Variants in KIAA1614 observed in about 807,000 individuals in gnomAD.
KIAA1614 encodes the protein uncharacterized protein KIAA1614.
A neutral mutation model predicts 88.7 loss-of-function variants in KIAA1614; 76 were observed. The ratio of observed to expected loss-of-function variants is 0.86; its 90% CI spans 0.71 to 1.04. The LOEUF is 1.04. Ranked by LOEUF, KIAA1614 falls within the 50% of genes least tolerant of loss-of-function variation. The pLI, the probability that KIAA1614 is intolerant of heterozygous loss-of-function variation, is 0.00. For missense variants in KIAA1614, 1,553 were observed against 1,582.5 expected (o/e 0.98, Z 0.32); for synonymous variants, 714 against 675.5 (o/e 1.06, Z -0.88).
At position 180,936,557 on chromosome 1, in the gene KIAA1614, A is replaced by G; in HGVS notation, c.2648A>G (p.Asn883Ser). 1 of 1,613,842 alleles carries G rather than the reference A, an allele frequency of 6.2e-7. No individual in the cohort carries two copies. Among genetic ancestry groups the G allele is most frequent in the Non-Finnish European group, 8.5e-7 (1 of 1,179,952 alleles). Residue 883 changes from asparagine to serine, a missense_variant, in exon 5 of 9, where the codon AAC (asparagine) becomes AGC (serine). Asn to Ser is a conservative substitution (Grantham distance 46). Coordinates refer to ENST00000367588, the MANE Select transcript of KIAA1614 (RefSeq NM_020950.2). Reference protein sequence around the residue: ...LLALSTNNCNNSAPRGLQEPY... With the variant: ...LLALSTNNCNSSAPRGLQEPY... ...GCCCTGTCCACCAACAACTGCAACA[A>G]CAGCGCACCTCGGGGGCTGCAGGAG... is the stretch of plus-strand genomic sequence containing the variant.
chr1:180,943,550 C>CTTTTTTTTTTTTTT (rs60128001), intron 7 of KIAA1614, among the ~76,000 whole-genome samples: 1,034 of 97,920 alleles, frequency 0.011, 109 homozygotes, highest in Non-Finnish European at 0.012. Context: ...GGTAGTAGAT[C>CTTTTTTTTTTTTTT]TTTTTTTTTT....
Position 180,942,061 on chromosome 1 carries a change from C to T in KIAA1614, c.3159+776C>T, listed in dbSNP as rs1383034155. 2.9e-5 allele frequency among the ~76,000 whole-genome samples: 4 copies of T among 140,048 alleles called. No individual in the cohort carries two copies. In the East Asian group the frequency reaches 1.0e-3, roughly 36 times the overall value. The allele number at this position is 140,048 out of a possible 152,430, so 91.9% of individuals were successfully genotyped here. A position where few individuals can be genotyped will look rare whatever the true frequency, so the allele number is the denominator to read the frequency against. Reference sequence around the variant, plus strand: ...CCGAACTGGGGCTCCACCCCCCTCCCCACCCCCCCAGCCCCGCTCCCATTT... The same window carrying T: ...CCGAACTGGGGCTCCACCCCCCTCCTCACCCCCCCAGCCCCGCTCCCATTT... On this transcript the variant is annotated intron_variant, in intron 7 of 8. Transcript: ENST00000367588.
chr1:180,941,502 G>A (rs569247469), intron 7 of KIAA1614, among the ~76,000 whole-genome samples: 4 of 152,154 alleles, frequency 2.6e-5, no homozygotes, highest in South Asian at 2.1e-4. Flanking sequence ...CCCGCCAGCC[G>A]CCCAGGCCTG....
intron 7 of KIAA1614, among the ~76,000 whole-genome samples, chr1:180,943,028 G>GTTTTTTTTTTTTTTTTTTT (rs765988727): frequency 2.0e-4 from 3 of 14,936 alleles, no homozygotes; most frequent in Non-Finnish European, 6.7e-4. Context: ...AGTTTTTTGG[G>GTTTTTTTTTTTTTTTTTTT]TTTTTTTTTT....
intron 5 of KIAA1614, 58 bp downstream of exon 5, chr1:180,936,728 C>T (rs539878503): frequency 3.2e-5 from 37 of 1,173,380 alleles, no homozygotes; most frequent in South Asian, 2.6e-4. Flanking sequence ...CTACAGCAGA[C>T]GCCCAGACCC....
intron 1 of KIAA1614, among the ~76,000 whole-genome samples, chr1:180,913,528 C>G (rs754735729): frequency 6.6e-6 from 1 of 152,200 alleles, no homozygotes; most frequent in Non-Finnish European, 1.5e-5. Context: ...CCGAGCTGAC[C>G]GATCTTCCCG....
intron 6 of KIAA1614, 66 bp from the exon 7 acceptor site, chr1:180,940,979 G>A: frequency 7.1e-7 from 1 of 1,404,838 alleles, no homozygotes; most frequent in South Asian, 1.4e-5. Flanking sequence ...ATGGCCCCAG[G>A]GTACAGTCTC....
intron 1 of KIAA1614, 126 bp from the exon 2 acceptor site, chr1:180,916,028 C>G (rs1425289034): frequency 1.7e-6 from 1 of 573,692 alleles, no homozygotes; most frequent in African/African-American, 1.9e-5. Flanking sequence ...GAGAGCATCC[C>G]CTGCTCTGTC....
In KIAA1614 at chr1:180,936,195, C is replaced by A; in HGVS notation, c.2286C>A (p.Gly762=). 1 of 1,614,174 alleles carries A rather than the reference C, an allele frequency of 6.2e-7. No homozygotes were observed. The highest frequency in any genetic ancestry group is 8.5e-7 in the Non-Finnish European group (1 of 1,180,018). The change falls in exon 5 of 9, where the codon GGC becomes GGA. Residue 762 remains glycine, a synonymous_variant. Coordinates refer to ENST00000367588, the MANE Select transcript of KIAA1614 (RefSeq NM_020950.2). ...PMTPESSGPG[G]QAQVTESHES... Reference sequence around the variant, plus strand: ...CGCCTGAATCATCGGGGCCAGGAGGCCAGGCCCAGGTTACAGAAAGCCACG... The same window carrying A: ...CGCCTGAATCATCGGGGCCAGGAGGACAGGCCCAGGTTACAGAAAGCCACG...
chr1:180,938,170 A>G (rs1317257094), intron 5 of KIAA1614, among the ~76,000 whole-genome samples: 1 of 152,184 alleles, frequency 6.6e-6, no homozygotes, highest in Non-Finnish European at 1.5e-5. Flanking sequence ...CAGGAATACA[A>G]AATTTTCCCC....
chr1:180,935,702 ACATCGGAGACACCGTGTGC>A lies in KIAA1614; in HGVS notation c.1795_1813del (p.Ile599LeufsTer85), dbSNP rs1256704681. ...CACATGGAATGGATCCGGGAAACAC[ACATCGGAGACACCGTGTGC>A]CCTGCGGAGGTGGACTCTGCCCTGG... On this transcript the variant is annotated frameshift_variant, in exon 5 of 9. Coordinates refer to ENST00000367588, the MANE Select transcript of KIAA1614 (RefSeq NM_020950.2). LOFTEE classifies it high-confidence loss of function. This position sits in a 1 kb window ranked among gnomAD's most constrained non-coding sequence, Gnocchi z 6.1. The A allele has an allele frequency of 6.2e-7, 1 of 1,613,688 alleles. No individual in the cohort carries two copies. Among genetic ancestry groups the A allele is most frequent in the South Asian group, 1.1e-5 (1 of 91,082 alleles).
Position 180,938,725 on chromosome 1 carries a change from GA to G in KIAA1614, c.2918+17del. ...TGTGCTGTCAAGGTGAGTGACAGGAGAAAGAGCCAGATTGCAGAAGGAGGTG... is the reference window on the plus strand; with the variant it reads ...TGTGCTGTCAAGGTGAGTGACAGGAGAAGAGCCAGATTGCAGAAGGAGGTG... On this transcript the variant is annotated intron_variant, in intron 6 of 8. Coordinates refer to ENST00000367588, the MANE Select transcript of KIAA1614 (RefSeq NM_020950.2). The G allele has an allele frequency of 6.2e-7, 1 of 1,612,228 alleles. No homozygotes were observed. The highest frequency in any genetic ancestry group is 8.5e-7 in the Non-Finnish European group (1 of 1,178,802).
Position 180,916,528 on chromosome 1 carries a change from C to G in KIAA1614, c.425C>G (p.Pro142Arg). 1 of 1,613,826 alleles carries G rather than the reference C, an allele frequency of 6.2e-7. No individual in the cohort carries two copies. Among genetic ancestry groups the G allele is most frequent in the Admixed American group, 1.7e-5 (1 of 60,028 alleles). ...GSFLPGAVVA[P>R]RTQNLPDGQL... ...TTCCTGCCAGGTGCTGTGGTGGCTC[C>G]TCGTACCCAAAACCTGCCTGATGGG... is the stretch of plus-strand genomic sequence containing the variant. The change falls in exon 2 of 9, where the codon CCT (proline) becomes CGT (arginine). Residue 142 changes from proline to arginine, a missense_variant. Transcript: ENST00000367588.
chr1:180,950,401 G>A lies in KIAA1614; in HGVS notation c.*4813G>A. 3.2e-6 allele frequency: 4 copies of A among 1,232,692 alleles called. No individual in the cohort carries two copies. The highest frequency in any genetic ancestry group is 4.2e-6 in the Non-Finnish European group (4 of 959,556). The allele number at this position is 1,232,692 out of a possible 1,614,324, so 76.4% of individuals were successfully genotyped here. Reference sequence around the variant, plus strand: ...CCAAGCTGTACTCAGGGCTGCTGGGGGTGGGCGATGAGATCCTCGAGGTGA... The same window carrying A: ...CCAAGCTGTACTCAGGGCTGCTGGGAGTGGGCGATGAGATCCTCGAGGTGA... On this transcript the variant is annotated 3_prime_UTR_variant, in exon 9 of 9. Coordinates refer to ENST00000367588, the MANE Select transcript of KIAA1614 (RefSeq NM_020950.2).
chr1:180,917,907 C>T lies in KIAA1614; in HGVS notation c.1054C>T (p.Gln352Ter). 1 of 1,613,716 alleles carries T rather than the reference C, an allele frequency of 6.2e-7. No homozygotes were observed. The highest frequency in any genetic ancestry group is 8.5e-7 in the Non-Finnish European group (1 of 1,179,784). Reference protein sequence around the residue: ...ASGTSLQDSGQNRTVGPNPEP... With the variant: ...ASGTSLQDSG ...GGGCACCTCCTTGCAGGACTCCGGC[C>T]AGAACAGGTAAGAGCTCAGAGCCCA... The change falls in exon 3 of 9, where the codon CAG becomes TAG. Residue 352 changes from glutamine (Q) to a stop codon, truncating the protein, a stop_gained. Coordinates refer to ENST00000367588, the MANE Select transcript of KIAA1614 (RefSeq NM_020950.2). LOFTEE classifies it high-confidence loss of function.
At chr1:180,942,510 T>G (rs913789242) in intron 7 of KIAA1614, among the ~76,000 whole-genome samples, 1 of 152,212 alleles carries the variant, frequency 6.6e-6, no homozygotes, top group Non-Finnish European at 1.5e-5. Context: ...TCCCATTGAC[T>G]GTCTTCCACC....
Position 180,949,875 on chromosome 1 carries a change from AC to A in KIAA1614, c.*4291del, listed in dbSNP as rs1654691363. ...GCTCTTCCGATGATACCTTCCCACCACCCCGGCCTTTACGCTGGGCCTGGGT... is the reference window on the plus strand; with the variant it reads ...GCTCTTCCGATGATACCTTCCCACCACCCGGCCTTTACGCTGGGCCTGGGT... On this transcript the variant is annotated 3_prime_UTR_variant, in exon 9 of 9. Transcript: ENST00000367588. 1 of 152,034 alleles carries A rather than the reference AC, an allele frequency of 6.6e-6. No homozygotes were observed. Among genetic ancestry groups the A allele is most frequent in the South Asian group, 2.1e-4 (1 of 4,812 alleles). The allele number at this position is 152,034 out of a possible 1,614,324, so 9.4% of individuals were successfully genotyped here.
chr1:180,918,031 C>T, intron 3 of KIAA1614, 117 bp downstream of exon 3: 1 of 812,906 alleles, frequency 1.2e-6, no homozygotes, highest in East Asian at 2.7e-5. Flanking sequence ...GACTCCTGCA[C>T]CAGCAGACCA....
rs566617885 is a variant in KIAA1614 at position 180,925,448 on chromosome 1, C to T, written c.1062-2982C>T. Among the ~76,000 whole-genome samples the T allele has an allele frequency of 2.0e-5, 3 of 152,356 alleles. No homozygotes were observed. In the South Asian group the frequency reaches 6.2e-4, roughly 32 times the overall value. ...CTGGAATCTGGGAAGCGGCAGATCC[C>T]TCTACATTCCCAGTTATTTCCCCAT... On this transcript the variant is annotated intron_variant, in intron 3 of 8. Transcript: ENST00000367588.
Sources: allele counts gnomAD v4.1 joint callset (sites outside exome capture counted in the v4.1 genomes callset), GRCh38; gene constraint gnomAD v4.1.1; non-coding constraint Gnocchi (gnomAD v3.1); transcripts MANE v1.5; gene names NCBI Gene and HGNC (gene_info 2026-07-23, HGNC 2026-07-21).